The following IHO1 variants were observed in gnomAD, a reference collection of about 807,000 sequenced individuals.
IHO1 encodes interactor of HORMAD1 1.
Under a neutral mutation model 31.0 loss-of-function variants are expected in IHO1, and 13 were observed. The observed-to-expected ratio is 0.42, with a 90% confidence interval of 0.27 to 0.67. IHO1 has a LOEUF of 0.67. Ranked by LOEUF, IHO1 falls within the 30% of genes least tolerant of loss-of-function variation. The probability of loss-of-function intolerance (pLI) is 0.24; values close to 1 mark genes in which losing one functional copy is unlikely to be tolerated. For missense variants in IHO1, 599 were observed against 687.5 expected (o/e 0.87, Z 1.44); for synonymous variants, 221 against 248.4 (o/e 0.89, Z 1.04).
chr3:49,220,889 C>T (rs1209309901), intron 2 of IHO1, among the ~76,000 whole-genome samples: 2 of 152,028 alleles, frequency 1.3e-5, no homozygotes, highest in African/African-American at 2.4e-5. Flanking sequence ...TAAAAGGTGG[C>T]GTGGACCCAA....
At chr3:49,222,362 C>A (rs1559442876) in intron 2 of IHO1, among the ~76,000 whole-genome samples, 1 of 151,834 alleles carries the variant, frequency 6.6e-6, no homozygotes, top group Non-Finnish European at 1.5e-5. Flanking sequence ...AGGGGAGGGG[C>A]AATTGTATGA....
At chr3:49,201,738 A>G (rs2046071986) in intron 1 of IHO1, among the ~76,000 whole-genome samples, 1 of 152,078 alleles carries the variant, frequency 6.6e-6, no homozygotes, top group Non-Finnish European at 1.5e-5. Context: ...GCAACATGGT[A>G]AACCTCTGTC....
chr3:49,193,492 A>G (rs1260892341), upstream of IHO1, among the ~76,000 whole-genome samples: 1 of 149,816 alleles, frequency 6.7e-6, no homozygotes, highest in African/African-American at 2.5e-5. Context: ...AGGTCAAGAG[A>G]TCAAGACCAG....
chr3:49,256,802 A>C lies in IHO1; in HGVS notation c.1305A>C (p.Glu435Asp), dbSNP rs2046831316. ...TTAAACAGAAAGATGGGACTGTAGA[A>C]ATGCGGGGGAAAGACAAGAAGCAGC... The part of the protein sequence containing the change: ...LVIKQKDGTV[E>D]MRGKDKKQQP... The change falls in exon 8 of 8, where the codon GAA becomes GAC. Residue 435 changes from glutamate (E) to aspartate (D), a missense_variant. Glu to Asp is a conservative substitution (Grantham distance 45). Transcript: ENST00000452691. This position sits in a 1 kb window ranked among gnomAD's most constrained non-coding sequence, Gnocchi z 4.6. 6.2e-7 allele frequency: 1 copy of C among 1,614,232 alleles called. No homozygotes were observed. The highest frequency in any genetic ancestry group is 2.2e-5 in the East Asian group (1 of 44,886).
chr3:49,201,290 G>T (rs1358738959), intron 1 of IHO1, among the ~76,000 whole-genome samples: 1 of 151,536 alleles, frequency 6.6e-6, no homozygotes, highest in African/African-American at 2.4e-5. Context: ...ACCGCACCCG[G>T]CCATTTACCA....
At chr3:49,237,270 T>G (rs981321140) in intron 3 of IHO1, among the ~76,000 whole-genome samples, 1 of 151,870 alleles carries the variant, frequency 6.6e-6, no homozygotes, top group Non-Finnish European at 1.5e-5. Context: ...TCGCTTGAAC[T>G]CAGGAGGTAG....
chr3:49,195,103 T>A (rs1256805361), upstream of IHO1, among the ~76,000 whole-genome samples: 2 of 151,804 alleles, frequency 1.3e-5, no homozygotes, highest in South Asian at 4.1e-4. Context: ...AAATAAATAA[T>A]TTTAAAAATG....
At position 49,211,772 on chromosome 3, in the gene IHO1, C is replaced by G. The variant is rs56284915; in HGVS notation, c.-9C>G. The G allele has an allele frequency of 1.4e-6, 2 of 1,445,864 alleles. No individual in the cohort carries two copies. The highest frequency in any genetic ancestry group is 1.4e-5 in the African/African-American group (1 of 71,506). 89.6% of individuals were successfully genotyped at this position (1,445,864 alleles called of 1,614,324 possible). On this transcript the variant is annotated 5_prime_UTR_variant, in exon 2 of 8. Transcript: ENST00000452691. ...CACCTATTCTTTCTAATAGGTATAACTATAAGAAATGAATTTTAATGTCTG... is the reference window on the plus strand; with the variant it reads ...CACCTATTCTTTCTAATAGGTATAAGTATAAGAAATGAATTTTAATGTCTG...
At chr3:49,220,125 G>A (rs1271548381) in intron 2 of IHO1, among the ~76,000 whole-genome samples, 1 of 152,172 alleles carries the variant, frequency 6.6e-6, no homozygotes, top group African/African-American at 2.4e-5. Flanking sequence ...TAGACAAGAG[G>A]GTGATATAGA....
intron 1 of IHO1, among the ~76,000 whole-genome samples, chr3:49,206,658 G>A (rs1354479349): frequency 3.3e-5 from 5 of 152,136 alleles, no homozygotes; most frequent in Admixed American, 2.0e-4. Context: ...GACTAAGAAT[G>A]CCTAATCTCC....
Position 49,257,224 on chromosome 3 carries a change from C to T in IHO1, c.1727C>T (p.Ala576Val). The T allele has an allele frequency of 6.2e-7, 1 of 1,614,132 alleles. No individual in the cohort carries two copies. The highest frequency in any genetic ancestry group is 8.5e-7 in the Non-Finnish European group (1 of 1,180,014). ...GCSETPLCKE[A>V]GKNLLYDLGF... Reference sequence around the variant, plus strand: ...TCAGAGACCCCTCTATGCAAGGAGGCAGGAAAGAATTTGCTCTATGACCTG... The same window carrying T: ...TCAGAGACCCCTCTATGCAAGGAGGTAGGAAAGAATTTGCTCTATGACCTG... The change falls in exon 8 of 8, where the codon GCA (alanine) becomes GTA (valine). Residue 576 changes from alanine (A) to valine (V), a missense_variant. Physicochemically the swap from Ala to Val is moderately conservative, Grantham distance 64. Transcript: ENST00000452691.
intron 2 of IHO1, among the ~76,000 whole-genome samples, chr3:49,233,447 A>G (rs1224764775): frequency 8.5e-5 from 13 of 152,224 alleles, no homozygotes; most frequent in Non-Finnish European, 1.8e-4. Context: ...TCCCAGGCAC[A>G]CCTGACCTTA....
intron 1 of IHO1, among the ~76,000 whole-genome samples, chr3:49,205,011 G>A (rs2046116695): frequency 6.6e-6 from 1 of 151,110 alleles, no homozygotes; most frequent in South Asian, 2.1e-4. Context: ...CTGGGCAACA[G>A]AGCAAGACTC....
the IHO1 span, among the ~76,000 whole-genome samples, chr3:49,192,900 A>AAATG: frequency 2.2e-3 from 337 of 152,170 alleles, 1 homozygote; most frequent in Middle Eastern, 0.01. Context: ...CCATCTCAAT[A>AAATG]AATGAATGAA....
chr3:49,253,380 G>A (rs1174266012), intron 6 of IHO1, among the ~76,000 whole-genome samples: 1 of 152,090 alleles, frequency 6.6e-6, no homozygotes, highest in African/African-American at 2.4e-5. Flanking sequence ...AGCTGAGATC[G>A]TGCCACTGCA....
intron 1 of IHO1, among the ~76,000 whole-genome samples, chr3:49,209,807 C>T (rs1349676287): frequency 4.7e-5 from 7 of 149,846 alleles, no homozygotes; most frequent in Non-Finnish European, 1.0e-4. Context: ...CTCTGCCTCC[C>T]GGGTTCATGC....
At chr3:49,200,474 A>AAAAAAAAAAAAAAAAAAAAAG (rs2046044590) in intron 1 of IHO1, 1 of 528,038 alleles carries the variant, frequency 1.9e-6, no homozygotes, top group South Asian at 9.4e-5. Context: ...CAAAAAAAAA[A>AAAAAAAAAAAAAAAAAAAAAG]AAAAGAAAGA....
intron 2 of IHO1, among the ~76,000 whole-genome samples, chr3:49,220,275 G>A (rs950320744): frequency 1.3e-5 from 2 of 152,198 alleles, no homozygotes; most frequent in Admixed American, 6.5e-5. Context: ...GGGCATTTCC[G>A]GCTCAGGCAA....
Position 49,200,585 on chromosome 3 carries a change from C to T in IHO1, c.-16+1012C>T, listed in dbSNP as rs954690880. On this transcript the variant is annotated intron_variant, in intron 1 of 7. Coordinates refer to ENST00000452691, the MANE Select transcript of IHO1 (RefSeq NM_001135197.2). ...ATGAGGTAGTCCATGCCAATCGGGG[C>T]GGTCCTCTCCCCCTCACGTGTTCCT... The T allele has an allele frequency of 3.6e-5, 35 of 984,256 alleles. No homozygotes were observed. In the East Asian group the frequency reaches 5.7e-4, roughly 16 times the overall value. 61.0% of individuals were successfully genotyped at this position (984,256 alleles called of 1,614,324 possible). A position where few individuals can be genotyped will look rare whatever the true frequency, so the allele number is the denominator to read the frequency against.
Sources: allele counts gnomAD v4.1 joint callset (sites outside exome capture counted in the v4.1 genomes callset), GRCh38; gene constraint gnomAD v4.1.1; non-coding constraint Gnocchi (gnomAD v3.1); transcripts MANE v1.5; gene names NCBI Gene and HGNC (gene_info 2026-07-23, HGNC 2026-07-21).